The following XRCC1 variants were observed in gnomAD, a reference collection of about 807,000 sequenced individuals.
XRCC1 encodes the protein DNA repair protein XRCC1.
XRCC1 carries 52 observed loss-of-function variants against 83.3 expected under a neutral mutation model. The ratio of observed to expected loss-of-function variants is 0.62; its 90% CI spans 0.50 to 0.79. XRCC1 has a LOEUF of 0.79. Ranked by LOEUF, XRCC1 falls within the 30% of genes least tolerant of loss-of-function variation. The pLI is 0.00. For missense variants in XRCC1, 793 were observed against 823.5 expected, an observed-to-expected ratio of 0.96 and a Z score of 0.45; for synonymous variants, 281 against 312.6, an observed-to-expected ratio of 0.90 and a Z score of 1.07.
At chr19:43,553,788 A>G in intron 4 of XRCC1, 105 bp from the exon 5 acceptor site, 1 of 903,092 alleles carries the variant, frequency 1.1e-6, no homozygotes, top group Non-Finnish European at 1.7e-6. Context: ...CTTCCCTCTC[A>G]TGAACACCCA....
At position 43,543,667 on chromosome 19, in the gene XRCC1, C is replaced by T. The variant is rs748485435; in HGVS notation, c.1733G>A (p.Ser578Asn). The stretch of plus-strand genomic sequence containing the variant: ...TGTGATCACAAACTGAACCCGGTCA[C>T]TCATATAGTCCTCGAGCTCCCTGGC... ...AFNGELEDYM[S>N]DRVQFVITAQ... The change falls in exon 16 of 17, where the codon AGT (serine) becomes AAT (asparagine). Residue 578 changes from serine (S) to asparagine (N), a missense_variant. Physicochemically the swap from Ser to Asn is conservative, Grantham distance 46. Transcript: ENST00000262887. 2.9e-5 allele frequency: 46 copies of T among 1,613,932 alleles called. No homozygotes were observed. In the East Asian group the frequency reaches 1.0e-3, roughly 36 times the overall value.
intron 2 of XRCC1, among the ~76,000 whole-genome samples, chr19:43,564,526 C>T (rs1243838770): frequency 2.0e-5 from 3 of 152,254 alleles, no homozygotes; most frequent in East Asian, 1.9e-4. Context: ...CAGTGGCTCA[C>T]GCCTGTAATC....
At chr19:43,546,154 A>G (rs368307824) in intron 12 of XRCC1, 48 bp from the exon 13 acceptor site, 5 of 1,603,112 alleles carry the variant, frequency 3.1e-6, no homozygotes, top group Middle Eastern at 1.7e-4. Context: ...TCTCCTGGGA[A>G]GACTGGCAGC....
chr19:43,572,657 T>C lies in XRCC1; in HGVS notation c.144+2253A>G, dbSNP rs150012455. On this transcript the variant is annotated intron_variant, in intron 2 of 16. Coordinates refer to ENST00000262887, the MANE Select transcript of XRCC1 (RefSeq NM_006297.3). ...GAGTTCAAGACCAGCCTAGCCAACA[T>C]GGCAAAACTCGGTCTCTATTATAAA... Among the ~76,000 whole-genome samples, 331 of 152,288 alleles carry C rather than the reference T, an allele frequency of 2.2e-3. 7 individuals carry two copies. Among genetic ancestry groups the C allele is most frequent in the African/African-American group, 7.2e-3 (301 of 41,560 alleles).
At chr19:43,547,170 G>A (rs1186068021) in intron 10 of XRCC1, among the ~76,000 whole-genome samples, 193 bp from the exon 11 acceptor site, 1 of 146,156 alleles carries the variant, frequency 6.8e-6, no homozygotes, top group Non-Finnish European at 1.5e-5. Flanking sequence ...CTGCAGACCT[G>A]GGTACCCCCT....
chr19:43,552,405 T>TC (rs1445451179), intron 8 of XRCC1, 130 bp from the exon 9 acceptor site: 6 of 444,782 alleles, frequency 1.3e-5, no homozygotes, highest in East Asian at 1.1e-4. Flanking sequence ...CCCCAGCCCC[T>TC]CCCCCCTCAG....
At chr19:43,560,679 T>G (rs1972688671) in intron 3 of XRCC1, among the ~76,000 whole-genome samples, 1 of 152,166 alleles carries the variant, frequency 6.6e-6, no homozygotes, top group Admixed American at 6.5e-5. Context: ...GAATAATACA[T>G]TTGTGTCATT....
chr19:43,548,779 A>AAAAAAAAAAAAAAAAAAAAAC (rs1213062759), intron 10 of XRCC1, among the ~76,000 whole-genome samples: 17 of 141,736 alleles, frequency 1.2e-4, no homozygotes, highest in South Asian at 4.8e-4. Flanking sequence ...AAAAAAAAAA[A>AAAAAAAAAAAAAAAAAAAAAC]AAAAAAACAC....
intron 10 of XRCC1, among the ~76,000 whole-genome samples, chr19:43,548,098 GGGA>G (rs1316369671): frequency 1.3e-4 from 19 of 142,422 alleles, no homozygotes; most frequent in African/African-American, 2.1e-4. Context: ...CGCCCCATCC[GGGA>G]GGGAGGTGGG....
chr19:43,544,262 G>T, intron 14 of XRCC1, 28 bp from the exon 15 acceptor site: 1 of 1,578,016 alleles, frequency 6.3e-7, no homozygotes, highest in Non-Finnish European at 8.6e-7. Context: ...GCTAAGGTAA[G>T]CATGAGGCCC....
At chr19:43,570,843 C>T (rs1327845464) in intron 2 of XRCC1, among the ~76,000 whole-genome samples, 1 of 53,900 alleles carries the variant, frequency 1.9e-5, no homozygotes, top group African/African-American at 7.2e-5. Context: ...GAAATGTCTG[C>T]CTTTATCAGT....
At chr19:43,551,716 GT>G (rs1568513368) in intron 9 of XRCC1, 29 bp from the exon 10 acceptor site, 1 of 1,571,626 alleles carries the variant, frequency 6.4e-7, no homozygotes, top group East Asian at 2.2e-5. Flanking sequence ...GAAGATGCCA[GT>G]TAGGTGTGAT....
In XRCC1 at chr19:43,553,038, A is replaced by G. The variant is rs1406397825; in HGVS notation, c.655T>C (p.Ser219Pro). ...GGAGAGGCTGAGGAGGCAGCACTAGAAGCCTGGAGGGTAGCAGCTGCATAG... is the reference window on the plus strand; with the variant it reads ...GGAGAGGCTGAGGAGGCAGCACTAGGAGCCTGGAGGGTAGCAGCTGCATAG... ...PSYAAATLQA[S>P]SAASSASPVS... The change falls in exon 7 of 17, where the codon TCT (serine) becomes CCT (proline). Residue 219 changes from serine (S) to proline (P), a missense_variant. Coordinates refer to ENST00000262887, the MANE Select transcript of XRCC1 (RefSeq NM_006297.3). 1 of 1,598,964 alleles carries G rather than the reference A, an allele frequency of 6.3e-7. No homozygotes were observed.
At chr19:43,551,220 A>G (rs1400642613) in intron 10 of XRCC1, among the ~76,000 whole-genome samples, 4 of 152,202 alleles carry the variant, frequency 2.6e-5, no homozygotes, top group Non-Finnish European at 5.9e-5. Context: ...CACCTGCCTC[A>G]GCCTCCCAGA....
chr19:43,559,755 G>A (rs917081511), intron 3 of XRCC1, among the ~76,000 whole-genome samples: 7 of 151,992 alleles, frequency 4.6e-5, no homozygotes, highest in East Asian at 3.9e-4. Context: ...TGGATTATCC[G>A]GGTAGGCCAA....
rs778474464 is a variant in XRCC1, at chr19:43,552,962, C to T, written c.711+20G>A. 1 of 1,607,988 alleles carries T rather than the reference C, an allele frequency of 6.2e-7. No homozygotes were observed. The highest frequency in any genetic ancestry group is 1.7e-5 in the Admixed American group (1 of 58,290). Reference sequence around the variant, plus strand: ...CCAGCTTCTCTCCTCCTCCACCCCACCAAAGTCTGATGATTTCACCTTGGA... The same window carrying T: ...CCAGCTTCTCTCCTCCTCCACCCCATCAAAGTCTGATGATTTCACCTTGGA... On this transcript the variant is annotated intron_variant, in intron 7 of 16. Transcript: ENST00000262887.
rs25479 is a variant in XRCC1 at position 43,546,043 on chromosome 19, C to T, written c.1481+9G>A. ...CCAGGGACACCCCAACCCCCAGCCC[C>T]AGCCCTACCTCCTCAGCTCATCCTC... On this transcript the variant is annotated intron_variant, in intron 13 of 16. Transcript: ENST00000262887. 0.4 allele frequency: 650,160 copies of T among 1,612,812 alleles called. 136,276 individuals are homozygous for T. Among genetic ancestry groups the T allele is most frequent in the Non-Finnish European group, 0.43 (508,918 of 1,179,328 alleles).
chr19:43,557,307 C>CAA (rs33984597), intron 3 of XRCC1, among the ~76,000 whole-genome samples: 123 of 77,784 alleles, frequency 1.6e-3, no homozygotes, highest in African/African-American at 2.0e-3. Context: ...GACTCCGTCT[C>CAA]AAAAAAAAAA....
intron 2 of XRCC1, among the ~76,000 whole-genome samples, chr19:43,564,751 G>A (rs1416751814): frequency 6.6e-6 from 1 of 151,662 alleles, no homozygotes; most frequent in Non-Finnish European, 1.5e-5. Flanking sequence ...TCACACCACT[G>A]CACTCCAGCC....
Sources: allele counts gnomAD v4.1 joint callset (sites outside exome capture counted in the v4.1 genomes callset), GRCh38; gene constraint gnomAD v4.1.1; transcripts MANE v1.5; gene names NCBI Gene and HGNC (gene_info 2026-07-23, HGNC 2026-07-21).